PMVK: variants seen among roughly 807,000 people sequenced by gnomAD.
The protein encoded by PMVK is testis tissue sperm-binding protein Li 95mP.
A neutral mutation model predicts 19.0 loss-of-function variants in PMVK; 10 were observed. The observed-to-expected ratio is 0.53, with a 90% CI of 0.32 to 0.89. The LOEUF is 0.89. Among genes scored for constraint, PMVK ranks in the 40% least tolerant of loss-of-function variants. The pLI, the probability that PMVK is intolerant of heterozygous loss-of-function variation, is 0.03. For missense variants in PMVK, 222 were observed against 251.1 expected, an observed-to-expected ratio of 0.88 and a Z score of 0.78; for synonymous variants, 108 against 101.6, an observed-to-expected ratio of 1.06 and a Z score of -0.38.
upstream of PMVK, chr1:154,936,866 A>G (rs1654525565): frequency 3.3e-6 from 2 of 601,004 alleles, no homozygotes; most frequent in Non-Finnish European, 6.0e-6. Context: ...TCATGTCCAA[A>G]CAGATATGGG....
rs993969384 is a variant in PMVK at position 154,929,551 on chromosome 1, G to GA, written c.160-376dup. Among the ~76,000 whole-genome samples the GA allele has an allele frequency of 2.6e-5, 4 of 151,820 alleles. No individual in the cohort carries two copies. In the South Asian group the frequency reaches 6.2e-4, roughly 24 times the overall value. On this transcript the variant is annotated intron_variant, in intron 2 of 4. Transcript: ENST00000368467. Reference sequence around the variant, plus strand: ...AACTAAAGTGGGAAATCTGAGGGGGGAAAAAAAATCCTGCACTCCATGTCC... The same window carrying GA: ...AACTAAAGTGGGAAATCTGAGGGGGGAAAAAAAAATCCTGCACTCCATGTCC...
At chr1:154,942,071 G>A in the PMVK span, among the ~76,000 whole-genome samples, 2 of 152,200 alleles carry the variant, frequency 1.3e-5, no homozygotes, top group Admixed American at 6.5e-5. Flanking sequence ...GGCCCAAGAA[G>A]GCCACCCCTA....
At chr1:154,928,429 C>T (rs1286998331) in intron 3 of PMVK, among the ~76,000 whole-genome samples, 1 of 152,124 alleles carries the variant, frequency 6.6e-6, no homozygotes, top group Non-Finnish European at 1.5e-5. Flanking sequence ...TGGGAAGCCA[C>T]CAAAGTATTC....
chr1:154,926,558 C>G, intron 3 of PMVK, 75 bp from the exon 4 acceptor site: 1 of 1,412,296 alleles, frequency 7.1e-7, no homozygotes, highest in Non-Finnish European at 9.8e-7. Flanking sequence ...GACTACAGAA[C>G]CCAGGGCAGT....
chr1:154,938,955 G>A (rs1369353786), upstream of PMVK, among the ~76,000 whole-genome samples: 2 of 152,116 alleles, frequency 1.3e-5, no homozygotes, highest in Admixed American at 1.3e-4. Context: ...CTGGGCTCAA[G>A]CAGTCCTCTC....
rs1192723903 is a variant in PMVK at position 154,925,467 on chromosome 1, T to C, written c.443-202A>G. 2.0e-5 allele frequency among the ~76,000 whole-genome samples: 3 copies of C among 152,224 alleles called. No individual in the cohort carries two copies. In the East Asian group the frequency reaches 5.8e-4, roughly 29 times the overall value. The stretch of plus-strand genomic sequence containing the variant: ...AGTAGCCCATAGCCACCTGGGCCTC[T>C]CAGCTGATCCCTCCTGACTTAATCC... On this transcript the variant is annotated intron_variant, in intron 4 of 4. Coordinates refer to ENST00000368467, the MANE Select transcript of PMVK (RefSeq NM_006556.4).
chr1:154,930,454 C>G (rs1225655275), intron 2 of PMVK, among the ~76,000 whole-genome samples: 1 of 152,130 alleles, frequency 6.6e-6, no homozygotes. Context: ...GAGCGAGACT[C>G]CGTCTCAAAT....
At chr1:154,930,198 G>A (rs1247935336) in intron 2 of PMVK, among the ~76,000 whole-genome samples, 5 of 152,202 alleles carry the variant, frequency 3.3e-5, no homozygotes, top group South Asian at 4.1e-4. Context: ...AGTGGCTCAC[G>A]CCTGTAATCC....
intron 3 of PMVK, 104 bp downstream of exon 3, chr1:154,928,920 G>A (rs1022956073): frequency 5.2e-6 from 6 of 1,147,882 alleles, no homozygotes; most frequent in African/African-American, 3.0e-5. Context: ...GCCAGAAATG[G>A]TGGGGGCTTG....
chr1:154,932,362 T>C lies in PMVK; in HGVS notation c.149A>G (p.Gln50Arg), dbSNP rs776705015. The change falls in exon 2 of 5, where the codon CAG becomes CGG. Residue 50 changes from glutamine (Q) to arginine (R), a missense_variant. Gln to Arg is a conservative substitution (Grantham distance 43). Coordinates refer to ENST00000368467, the MANE Select transcript of PMVK (RefSeq NM_006556.4). Reference sequence around the variant, plus strand: ...CAAAGCACCACCTACCTGAGCATACTGTTCCTTGAGTGGACCAGAGAGCCG... The same window carrying C: ...CAAAGCACCACCTACCTGAGCATACCGTTCCTTGAGTGGACCAGAGAGCCG... ...VLRLSGPLKE[Q>R]YAQEHGLNFQ... 6.2e-7 allele frequency: 1 copy of C among 1,612,964 alleles called. No individual in the cohort carries two copies.
At chr1:154,935,467 A>G (rs557431446) in intron 1 of PMVK, among the ~76,000 whole-genome samples, 23 of 152,316 alleles carry the variant, frequency 1.5e-4, no homozygotes, top group Admixed American at 3.9e-4. Context: ...GACAGAAAAC[A>G]CTGTGCAAAA....
intron 1 of PMVK, among the ~76,000 whole-genome samples, chr1:154,933,115 A>G (rs1429112665): frequency 1.3e-5 from 2 of 152,092 alleles, no homozygotes; most frequent in Non-Finnish European, 2.9e-5. Context: ...TCTCATAAAA[A>G]TGAAATAAGA....
In PMVK at chr1:154,926,376, C is replaced by A; in HGVS notation, c.420G>T (p.Gln140His). ...CACCTGGCGTGAACACCCAGCCCCG[C>A]TGCTGTCGGCTCTGCTCCAACGCTA... ...RVVALEQSRQQRGWVFTPGVD... is the reference protein window; with the variant it reads ...RVVALEQSRQHRGWVFTPGVD... Residue 140 changes from glutamine to histidine, a missense_variant, in exon 4 of 5, where the codon CAG becomes CAT. By Grantham distance (24) the Gln-to-His change is conservative. Coordinates refer to ENST00000368467, the MANE Select transcript of PMVK (RefSeq NM_006556.4). The A allele has an allele frequency of 6.2e-7, 1 of 1,613,582 alleles. No homozygotes were observed. The highest frequency in any genetic ancestry group is 8.5e-7 in the Non-Finnish European group (1 of 1,179,856).
At position 154,936,717 on chromosome 1, in the gene PMVK, G is replaced by T. The variant is rs1481980301; in HGVS notation, c.-32C>A. ...GCCACGCCTCGCGATGCCTGAAGCT[G>T]ACACTTCTCCCTACCCCTAAAATCG... On this transcript the variant is annotated 5_prime_UTR_variant, in exon 1 of 5. Coordinates refer to ENST00000368467, the MANE Select transcript of PMVK (RefSeq NM_006556.4). The T allele has an allele frequency of 3.9e-6, 6 of 1,553,394 alleles. No individual in the cohort carries two copies. Among genetic ancestry groups the T allele is most frequent in the Non-Finnish European group, 5.3e-6 (6 of 1,139,948 alleles).
In PMVK at chr1:154,925,080, G is replaced by GCCCC; in HGVS notation, c.*45_*48dup. The GCCCC allele has an allele frequency of 2.7e-6, 4 of 1,459,206 alleles. No homozygotes were observed. Among genetic ancestry groups the GCCCC allele is most frequent in the Admixed American group, 1.8e-5 (1 of 55,188 alleles). 90.4% of individuals were successfully genotyped at this position (1,459,206 alleles called of 1,614,324 possible). ...GGGACACCCCCATTTTGCAGAGTCA[G>GCCCC]CCCCACCCCCACCTCAGCAGGCCCC... On this transcript the variant is annotated 3_prime_UTR_variant, in exon 5 of 5. Transcript: ENST00000368467.
intron 2 of PMVK, among the ~76,000 whole-genome samples, chr1:154,931,409 C>T (rs1020116943): frequency 6.6e-6 from 1 of 152,134 alleles, no homozygotes; most frequent in African/African-American, 2.4e-5. Flanking sequence ...TCTGAGAGTT[C>T]CTGTTGACTT....
upstream of PMVK, among the ~76,000 whole-genome samples, chr1:154,939,540 A>AC (rs1488476746): frequency 3.8e-4 from 57 of 151,596 alleles, no homozygotes; most frequent in African/African-American, 1.3e-3. Context: ...AAAAAAAAAA[A>AC]AACAAAACAG....
chr1:154,931,216 T>A (rs1267197819), intron 2 of PMVK, among the ~76,000 whole-genome samples: 3 of 152,140 alleles, frequency 2.0e-5, no homozygotes, highest in Admixed American at 1.3e-4. Flanking sequence ...AGATGGCATA[T>A]AGAAGGGGGG....
Position 154,925,090 on chromosome 1 carries a change from CACCTCAGCAGG to C in PMVK, c.*28_*38del. On this transcript the variant is annotated 3_prime_UTR_variant, in exon 5 of 5. Coordinates refer to ENST00000368467, the MANE Select transcript of PMVK (RefSeq NM_006556.4). ...CATTTTGCAGAGTCAGCCCCACCCC[CACCTCAGCAGG>C]CCCCAGCTCACTCCTAGAACCTAGT... The C allele has an allele frequency of 1.4e-6, 2 of 1,476,606 alleles. No individual in the cohort carries two copies. The highest frequency in any genetic ancestry group is 1.4e-5 in the African/African-American group (1 of 71,066). The allele number at this position is 1,476,606 out of a possible 1,614,324, so 91.5% of individuals were successfully genotyped here.
Sources: gnomAD v4.1 joint callset for allele counts (sites outside exome capture counted in the v4.1 genomes callset) on GRCh38, gnomAD v4.1.1 for gene constraint, MANE v1.5 for transcripts, NCBI Gene and HGNC (gene_info 2026-07-23, HGNC 2026-07-21) for gene names.